Variants in ANXA1 observed in about 807,000 individuals in gnomAD.
The protein encoded by ANXA1 is annexin I (lipocortin I).
ANXA1 carries 39 observed loss-of-function variants against 47.9 expected under a neutral mutation model. The observed-to-expected ratio is 0.81, with a 90% CI of 0.63 to 1.06. The LOEUF (loss-of-function observed/expected upper bound fraction) is 1.06, where lower values mean the gene tolerates loss of function less well. ANXA1 is among the 50% of genes least tolerant of loss of function. The pLI is 0.00. For missense variants in ANXA1, 446 were observed against 422.7 expected (o/e 1.06, Z -0.48); for synonymous variants, 146 against 142.5 (o/e 1.02, Z -0.17).
At chr9:73,168,900 T>TGTGTGTGTGTGTGTGA in intron 11 of ANXA1, 132 bp from the exon 12 acceptor site, 1 of 678,268 alleles carries the variant, frequency 1.5e-6, no homozygotes, top group South Asian at 1.8e-5. Flanking sequence ...TGTGTGTGTG[T>TGTGTGTGTGTGTGTGA]GTGTGTGTGT....
In ANXA1 at chr9:73,154,100, C is replaced by T. The variant is rs978704054; in HGVS notation, c.-15+2176C>T. Reference sequence around the variant, plus strand: ...ATTCCAGGCAAGAAGAACACCCTATCGAAAAGCCTGGAAGCAAAACATTAG... The same window carrying T: ...ATTCCAGGCAAGAAGAACACCCTATTGAAAAGCCTGGAAGCAAAACATTAG... On this transcript the variant is annotated intron_variant, in intron 1 of 12. Coordinates refer to ENST00000257497, the MANE Select transcript of ANXA1 (RefSeq NM_000700.3). The T allele has an allele frequency of 1.5e-5, 5 of 326,188 alleles. No homozygotes were observed. The Admixed American group carries it at 1.7e-4, about 11-fold the overall frequency. 20.2% of individuals were successfully genotyped at this position (326,188 alleles called of 1,614,324 possible). A position where few individuals can be genotyped will look rare whatever the true frequency, so the allele number is the denominator to read the frequency against.
In ANXA1 at chr9:73,159,375, T is replaced by C; in HGVS notation, c.222T>C (p.Asn74=). The part of the protein sequence containing the change: ...TIIDILTKRN[N]AQRQQIKAAY... The stretch of plus-strand genomic sequence containing the variant: ...TTGACATTCTAACTAAGCGAAACAA[T>C]GCACAGCGTCAACAGATCAAAGCAG... The change falls in exon 4 of 13, where the codon AAT becomes AAC. Residue 74 remains asparagine (N), a synonymous_variant. Transcript: ENST00000257497. 3.1e-6 allele frequency: 5 copies of C among 1,613,336 alleles called. No individual in the cohort carries two copies. Among genetic ancestry groups the C allele is most frequent in the Non-Finnish European group, 4.2e-6 (5 of 1,179,528 alleles).
chr9:73,164,425 A>G (rs1824193102), intron 8 of ANXA1, among the ~76,000 whole-genome samples: 1 of 152,292 alleles, frequency 6.6e-6, no homozygotes, highest in East Asian at 1.9e-4. Context: ...ATAATTGCCC[A>G]TAATAAAAAA....
In ANXA1 at chr9:73,160,880, G is replaced by A. The variant is rs1199536542; in HGVS notation, c.462G>A (p.Arg154=). The A allele has an allele frequency of 1.2e-6, 2 of 1,608,436 alleles. No individual in the cohort carries two copies. Among genetic ancestry groups the A allele is most frequent in the Admixed American group, 1.7e-5 (1 of 59,886 alleles). The change falls in exon 6 of 13, where the codon AGG becomes AGA. Residue 154 remains arginine, a synonymous_variant. Coordinates refer to ENST00000257497, the MANE Select transcript of ANXA1 (RefSeq NM_000700.3). The part of the protein sequence containing the change: ...RTNKEIRDIN[R]VYREELKRDL... ...ACAAAGAAATCAGAGACATTAACAG[G>A]GTCTACAGAGAGGGTAAGTTGTAAT... is the stretch of plus-strand genomic sequence containing the variant.
chr9:73,152,512 GA>G (rs1823987773), intron 1 of ANXA1, among the ~76,000 whole-genome samples: 1 of 152,166 alleles, frequency 6.6e-6, no homozygotes, highest in Non-Finnish European at 1.5e-5. Flanking sequence ...TTTAAAATAA[GA>G]AGGTCCGCTT....
At chr9:73,156,121 T>TG (rs1824042340) in intron 1 of ANXA1, among the ~76,000 whole-genome samples, 1 of 140,114 alleles carries the variant, frequency 7.1e-6, no homozygotes, top group African/African-American at 2.8e-5. Context: ...ATAATAATAA[T>TG]AATAAATAAA....
chr9:73,161,746 T>C (rs189288904), intron 6 of ANXA1, among the ~76,000 whole-genome samples: 1 of 152,294 alleles, frequency 6.6e-6, no homozygotes, highest in Non-Finnish European at 1.5e-5. Flanking sequence ...AATGTTTATG[T>C]TAGATCCATG....
intron 8 of ANXA1, 70 bp downstream of exon 8, chr9:73,163,602 C>A: frequency 6.7e-7 from 1 of 1,496,610 alleles, no homozygotes; most frequent in South Asian, 1.1e-5. Context: ...CACATGATCC[C>A]CTGTGAAAGC....
intron 9 of ANXA1, 156 bp downstream of exon 9, chr9:73,165,365 G>T: frequency 1.8e-6 from 1 of 557,192 alleles, no homozygotes; most frequent in Non-Finnish European, 3.1e-6. Context: ...TTGTCAATTT[G>T]TCCAATTTTG....
intron 8 of ANXA1, among the ~76,000 whole-genome samples, chr9:73,164,903 G>C (rs1033838214): frequency 2.0e-5 from 3 of 152,114 alleles, no homozygotes; most frequent in African/African-American, 7.2e-5. Flanking sequence ...TCAGACTCTA[G>C]TGTTTACAAG....
Position 73,167,500 on chromosome 9 carries a change from A to C in ANXA1, c.806A>C (p.Lys269Thr). Residue 269 changes from lysine (K) to threonine (T), a missense_variant, in exon 11 of 13, where the codon AAG becomes ACG. Physicochemically the swap from Lys to Thr is moderately conservative, Grantham distance 78 (BLOSUM62 -1). Transcript: ENST00000257497. ...CTAAAATTTTCTTCTCTAACAGTGA[A>C]GTGCGCCACAAGCAAACCAGCTTTC... Reference protein sequence around the residue: ...DIEKCLTAIVKCATSKPAFFA... With the variant: ...DIEKCLTAIVTCATSKPAFFA... 6.2e-7 allele frequency: 1 copy of C among 1,613,204 alleles called. No homozygotes were observed.
In ANXA1 at chr9:73,162,804, A is replaced by G. The variant is rs1034525826; in HGVS notation, c.498A>G (p.Lys166=). The G allele has an allele frequency of 6.2e-7, 1 of 1,613,182 alleles. No homozygotes were observed. Among genetic ancestry groups the G allele is most frequent in the Non-Finnish European group, 8.5e-7 (1 of 1,179,456 alleles). Residue 166 remains lysine, a synonymous_variant, in exon 7 of 13, where the codon AAA becomes AAG. Coordinates refer to ENST00000257497, the MANE Select transcript of ANXA1 (RefSeq NM_000700.3). ...CAGAACTGAAGAGAGATCTGGCCAA[A>G]GACATAACCTCAGACACATCTGGAG... ...YREELKRDLA[K]DITSDTSGDF... is the part of the protein sequence containing the mutation.
At position 73,162,109 on chromosome 9, in the gene ANXA1, A is replaced by G. The variant is rs531029662; in HGVS notation, c.476-673A>G. Among the ~76,000 whole-genome samples, 6 of 152,278 alleles carry G rather than the reference A, an allele frequency of 3.9e-5. No homozygotes were observed. In the East Asian group the frequency reaches 1.2e-3, roughly 29 times the overall value. On this transcript the variant is annotated intron_variant, in intron 6 of 12. Transcript: ENST00000257497. ...TCAACAGCCAGTTCTTAAAGAAACT[A>G]TGAATGAGAACTCACTCCGAGCCAT... is the stretch of plus-strand genomic sequence containing the variant.
At chr9:73,155,931 T>A (rs1304994389) in intron 1 of ANXA1, among the ~76,000 whole-genome samples, 1 of 150,840 alleles carries the variant, frequency 6.6e-6, no homozygotes, top group Non-Finnish European at 1.5e-5. Context: ...GCTTTTTTTT[T>A]AAATGGACAT....
chr9:73,156,344 T>C (rs2118137036), intron 1 of ANXA1, among the ~76,000 whole-genome samples: 1 of 152,062 alleles, frequency 6.6e-6, no homozygotes, highest in African/African-American at 2.4e-5. Flanking sequence ...AAGTATTGGG[T>C]GTGCCAATTA....
chr9:73,167,585 T>A, intron 11 of ANXA1, 30 bp downstream of exon 11: 1 of 1,583,726 alleles, frequency 6.3e-7, no homozygotes, highest in Non-Finnish European at 8.6e-7. Flanking sequence ...TATGTCCTGC[T>A]TAGAGGAAGA....
chr9:73,158,652 A>G (rs753992010), intron 2 of ANXA1, 43 bp from the exon 3 acceptor site: 4 of 1,609,536 alleles, frequency 2.5e-6, no homozygotes, highest in Non-Finnish European at 3.4e-6. Flanking sequence ...ATAAAAACGA[A>G]TATAAGTAAA....
chr9:73,159,914 G>A (rs1206355825), intron 4 of ANXA1: 1 of 164,682 alleles, frequency 6.1e-6, no homozygotes, highest in African/African-American at 2.4e-5. Context: ...TCAAAGATTG[G>A]AAACATGAAT....
At chr9:73,166,018 G>C in intron 9 of ANXA1, 79 bp from the exon 10 acceptor site, 2 of 1,072,172 alleles carry the variant, frequency 1.9e-6, no homozygotes, top group Non-Finnish European at 2.7e-6. Context: ...AATTCTTTGA[G>C]TCAGTTGCCT....
Sources: gnomAD v4.1 joint callset for allele counts (sites outside exome capture counted in the v4.1 genomes callset) on GRCh38, gnomAD v4.1.1 for gene constraint, MANE v1.5 for transcripts, NCBI Gene and HGNC (gene_info 2026-07-23, HGNC 2026-07-21) for gene names.